The following GABRG3 variants were observed in gnomAD, a reference collection of about 807,000 sequenced individuals.
GABRG3 encodes the protein gamma-aminobutyric acid receptor subunit gamma-3.
GABRG3 carries 25 observed loss-of-function variants against 48.8 expected under a neutral mutation model. The observed-to-expected ratio is 0.51, with a 90% CI of 0.37 to 0.72. GABRG3 has a LOEUF of 0.72. GABRG3 is among the 30% of genes least tolerant of loss of function. The pLI is 0.00. For synonymous variants in GABRG3, 227 were observed against 217.6 expected (o/e 1.04, Z -0.38); for missense variants, 394 against 577.9 (o/e 0.68, Z 3.26).
intron 3 of GABRG3, among the ~76,000 whole-genome samples, chr15:27,099,271 G>A (rs1371515398): frequency 6.6e-6 from 1 of 152,120 alleles, no homozygotes; most frequent in Admixed American, 6.5e-5. Context: ...AAGTTGTTGC[G>A]TTACTTGCTT....
At chr15:27,206,460 T>C (rs182784480) in intron 3 of GABRG3, among the ~76,000 whole-genome samples, 60 of 152,328 alleles carry the variant, frequency 3.9e-4, no homozygotes, top group Admixed American at 3.7e-3. Context: ...TGAGAATTGC[T>C]TTATGGGCTT....
At chr15:27,384,182 G>A (rs1034638828) in intron 5 of GABRG3, among the ~76,000 whole-genome samples, 3 of 152,158 alleles carry the variant, frequency 2.0e-5, no homozygotes, top group African/African-American at 4.8e-5. Flanking sequence ...TGTGAGACCC[G>A]AAGTCAAGTC....
chr15:27,288,120 T>C (rs767421842), intron 3 of GABRG3, among the ~76,000 whole-genome samples: 1 of 152,080 alleles, frequency 6.6e-6, no homozygotes, highest in African/African-American at 2.4e-5. Context: ...GAAGACAGAA[T>C]AATGGGCCCC....
At chr15:27,495,405 A>G (rs188016398) in intron 6 of GABRG3, among the ~76,000 whole-genome samples, 4 of 152,318 alleles carry the variant, frequency 2.6e-5, no homozygotes, top group Admixed American at 1.3e-4. Context: ...CCTCTTGGCT[A>G]TTGTGAATGA....
At chr15:27,469,259 G>A (rs774991960) in intron 5 of GABRG3, among the ~76,000 whole-genome samples, 2 of 150,826 alleles carry the variant, frequency 1.3e-5, no homozygotes, top group Non-Finnish European at 3.0e-5. Context: ...CTTTTTTACA[G>A]TTGGCTTGTT....
At chr15:27,082,058 TAA>T (rs1897001410) in intron 3 of GABRG3, among the ~76,000 whole-genome samples, 1 of 152,146 alleles carries the variant, frequency 6.6e-6, no homozygotes, top group African/African-American at 2.4e-5. Flanking sequence ...ACATTACAAA[TAA>T]AATGCCTCAC....
intron 2 of GABRG3, among the ~76,000 whole-genome samples, chr15:27,013,127 A>G (rs927364937): frequency 3.3e-5 from 5 of 152,116 alleles, no homozygotes; most frequent in Non-Finnish European, 7.4e-5. Context: ...CTGGATTTCT[A>G]ACTACTTTAA....
chr15:27,445,181 G>T (rs1888907832), intron 5 of GABRG3, among the ~76,000 whole-genome samples: 2 of 152,120 alleles, frequency 1.3e-5, no homozygotes, highest in South Asian at 4.1e-4. Context: ...TCATGTTCAA[G>T]ATTTTATGTA....
At chr15:27,382,713 T>A (rs766947951) in intron 5 of GABRG3, among the ~76,000 whole-genome samples, 11 of 152,130 alleles carry the variant, frequency 7.2e-5, no homozygotes, top group Non-Finnish European at 1.3e-4. Context: ...GTTTTTGGAT[T>A]TTGGATACGT....
At chr15:27,128,473 G>A (rs752930867) in intron 3 of GABRG3, among the ~76,000 whole-genome samples, 15 of 152,152 alleles carry the variant, frequency 9.9e-5, no homozygotes, top group African/African-American at 1.7e-4. Context: ...ATCTGCCCAC[G>A]CCTTGAAGCC....
intron 2 of GABRG3, among the ~76,000 whole-genome samples, chr15:27,016,224 C>G (rs1216643376): frequency 8.0e-6 from 1 of 124,430 alleles, no homozygotes; most frequent in Non-Finnish European, 1.7e-5. Context: ...CTTCCCTTTT[C>G]TTTCTTTCTT....
chr15:27,428,811 A>C (rs1176775132), intron 5 of GABRG3, among the ~76,000 whole-genome samples: 2 of 152,154 alleles, frequency 1.3e-5, no homozygotes, highest in Admixed American at 6.5e-5. Context: ...ACACAAACAA[A>C]CAAGAATCTG....
chr15:27,356,504 A>G (rs1044538422), intron 5 of GABRG3, among the ~76,000 whole-genome samples: 12 of 152,148 alleles, frequency 7.9e-5, no homozygotes, highest in African/African-American at 1.2e-4. Context: ...TCTTTTCCCC[A>G]ACATCTACAT....
intron 3 of GABRG3, among the ~76,000 whole-genome samples, chr15:27,226,459 G>A (rs1566971672): frequency 6.6e-6 from 1 of 152,178 alleles, no homozygotes; most frequent in Non-Finnish European, 1.5e-5. Context: ...CAGAGACGAC[G>A]TGGCCCATGC....
At position 26,984,189 on chromosome 15, in the gene GABRG3, G is replaced by A. The variant is rs1595455355; in HGVS notation, c.202+7039G>A. Among the ~76,000 whole-genome samples, 4 of 152,226 alleles carry A rather than the reference G, an allele frequency of 2.6e-5. No individual in the cohort carries two copies. The East Asian group carries it at 5.8e-4, about 22-fold the overall frequency. ...TGAACAGTTTCTACAGCATTGTTGT[G>A]TACTTTCCACATTGTACAGCTGAGG... On this transcript the variant is annotated intron_variant, in intron 2 of 9. Transcript: ENST00000615808.
At chr15:27,286,550 T>A (rs1891618464) in intron 3 of GABRG3, among the ~76,000 whole-genome samples, 1 of 152,034 alleles carries the variant, frequency 6.6e-6, no homozygotes, top group Non-Finnish European at 1.5e-5. Context: ...GAGAGTAGTG[T>A]TAGAATTAAA....
chr15:27,095,409 C>G (rs1897253370), intron 3 of GABRG3, among the ~76,000 whole-genome samples: 1 of 152,186 alleles, frequency 6.6e-6, no homozygotes, highest in Non-Finnish European at 1.5e-5. Context: ...TTTCTTGCGA[C>G]AGGTGTGGGA....
intron 3 of GABRG3, among the ~76,000 whole-genome samples, chr15:27,288,122 A>G (rs549098218): frequency 2.0e-5 from 3 of 152,178 alleles, no homozygotes; most frequent in Non-Finnish European, 1.5e-5. Flanking sequence ...AGACAGAATA[A>G]TGGGCCCCCA....
chr15:27,109,570 C>G (rs1393430813), intron 3 of GABRG3, among the ~76,000 whole-genome samples: 1 of 152,134 alleles, frequency 6.6e-6, no homozygotes, highest in Non-Finnish European at 1.5e-5. Context: ...TTTAAATACT[C>G]AGAGTTGTCA....
Sources: gnomAD v4.1 joint callset for allele counts (sites outside exome capture counted in the v4.1 genomes callset) on GRCh38, gnomAD v4.1.1 for gene constraint, MANE v1.5 for transcripts, NCBI Gene and HGNC (gene_info 2026-07-23, HGNC 2026-07-21) for gene names.